Variants in ARIH1 observed in about 807,000 individuals in gnomAD.
ARIH1 encodes the protein E3 ubiquitin-protein ligase ARIH1.
Under a neutral mutation model 85.0 loss-of-function variants are expected in ARIH1, and 8 were observed. The ratio of observed to expected loss-of-function variants is 0.09; its 90% CI spans 0.06 to 0.17. The LOEUF (loss-of-function observed/expected upper bound fraction) is 0.17. Ranked by LOEUF, ARIH1 falls within the 10% of genes least tolerant of loss-of-function variation. The probability of loss-of-function intolerance (pLI) is 1.00; values close to 1 mark genes in which losing one functional copy is unlikely to be tolerated. For missense variants in ARIH1, 311 were observed against 718.1 expected, an observed-to-expected ratio of 0.43 and a Z score of 6.48; for synonymous variants, 238 against 253.6, an observed-to-expected ratio of 0.94 and a Z score of 0.59.
chr15:72,494,089 G>A (rs764612863), intron 1 of ARIH1, among the ~76,000 whole-genome samples: 5 of 151,960 alleles, frequency 3.3e-5, no homozygotes, highest in African/African-American at 4.8e-5. Context: ...CTAAATAATC[G>A]TGTTATAGTT....
rs550231273 is a variant in ARIH1, at chr15:72,476,913, A to G, written c.375+1899A>G. Reference sequence around the variant, plus strand: ...TGTCAAGTAAATTTTTCGAGAACTTATATGATTATAGATCTGAACTAATTT... The same window carrying G: ...TGTCAAGTAAATTTTTCGAGAACTTGTATGATTATAGATCTGAACTAATTT... On this transcript the variant is annotated intron_variant, in intron 1 of 13. Transcript: ENST00000379887. Among the ~76,000 whole-genome samples the G allele has an allele frequency of 2.6e-5, 4 of 152,326 alleles. No homozygotes were observed. In the South Asian group the frequency reaches 8.3e-4, roughly 32 times the overall value.
intron 2 of ARIH1, among the ~76,000 whole-genome samples, chr15:72,519,587 G>A (rs781180585): frequency 3.5e-5 from 5 of 142,524 alleles, no homozygotes; most frequent in Non-Finnish European, 6.0e-5. Context: ...GGGTTCAAGC[G>A]ATTCTCCTGT....
At position 72,601,215 on chromosome 15, in the gene ARIH1, A is replaced by G. The variant is rs1595879718; in HGVS notation, c.*17923A>G. ...CATCATCTCATTTGCAGCATCCTTT[A>G]GTTTACCCTAGATTATCAATTTTTG... On this transcript the variant is annotated 3_prime_UTR_variant, in exon 14 of 14. Coordinates refer to ENST00000379887, the MANE Select transcript of ARIH1 (RefSeq NM_005744.5). The G allele has an allele frequency of 6.6e-6, 1 of 152,244 alleles. No homozygotes were observed. Among genetic ancestry groups the G allele is most frequent in the East Asian group, 1.9e-4 (1 of 5,176 alleles). The allele number at this position is 152,244 out of a possible 1,614,324, so 9.4% of individuals were successfully genotyped here. A position where few individuals can be genotyped will look rare whatever the true frequency, so the allele number is the denominator to read the frequency against.
At chr15:72,548,188 C>T (rs755305830) in intron 3 of ARIH1, among the ~76,000 whole-genome samples, 3 of 152,052 alleles carry the variant, frequency 2.0e-5, no homozygotes, top group Admixed American at 1.3e-4. Flanking sequence ...ACTGTGGGAA[C>T]GTGTTGGAGG....
rs567528395 is a variant in ARIH1 at position 72,536,737 on chromosome 15, G to T, written c.444-8083G>T. On this transcript the variant is annotated intron_variant, in intron 2 of 13. Coordinates refer to ENST00000379887, the MANE Select transcript of ARIH1 (RefSeq NM_005744.5). ...ATCCACCTGCCTTCATCCTGGCTCA[G>T]AACTAAAAAGGTTAAAGTATGCAGT... Among the ~76,000 whole-genome samples the T allele has an allele frequency of 1.7e-3, 256 of 152,254 alleles. 1 individual carries two copies. The highest frequency in any genetic ancestry group is 2.6e-3 in the Non-Finnish European group (176 of 68,018).
At chr15:72,482,819 G>C (rs1051665904) in intron 1 of ARIH1, among the ~76,000 whole-genome samples, 2 of 150,384 alleles carry the variant, frequency 1.3e-5, no homozygotes, top group African/African-American at 4.9e-5. Flanking sequence ...GTGACGGCTT[G>C]GTAGCAGTTC....
At chr15:72,497,001 A>T (rs1174255552) in intron 1 of ARIH1, 2 of 290,558 alleles carry the variant, frequency 6.9e-6, no homozygotes, top group African/African-American at 4.5e-5. Context: ...TTGTTTTGAC[A>T]TGACAAATGT....
At chr15:72,576,690 A>G (rs1439263156) in intron 11 of ARIH1, among the ~76,000 whole-genome samples, 1 of 152,034 alleles carries the variant, frequency 6.6e-6, no homozygotes, top group Non-Finnish European at 1.5e-5. Context: ...ATGTAATAAT[A>G]CAAAACAAAT....
Position 72,589,820 on chromosome 15 carries a change from TA to T in ARIH1, c.*6529del, listed in dbSNP as rs1176213277. On this transcript the variant is annotated 3_prime_UTR_variant, in exon 14 of 14. Transcript: ENST00000379887. Reference sequence around the variant, plus strand: ...CCAAATGCTTTGTTTCCATCTCGTTTATTTTTATTTTTTATTTTTTTAAGAG... The same window carrying T: ...CCAAATGCTTTGTTTCCATCTCGTTTTTTTTATTTTTTATTTTTTTAAGAG... 1 of 152,176 alleles carries T rather than the reference TA, an allele frequency of 6.6e-6. No individual in the cohort carries two copies. The highest frequency in any genetic ancestry group is 1.9e-4 in the East Asian group (1 of 5,192). 9.4% of individuals were successfully genotyped at this position (152,176 alleles called of 1,614,324 possible).
intron 2 of ARIH1, among the ~76,000 whole-genome samples, chr15:72,544,285 A>C (rs2064119741): frequency 6.6e-6 from 1 of 152,186 alleles, no homozygotes; most frequent in Non-Finnish European, 1.5e-5. Flanking sequence ...TGATTTGTGC[A>C]GTAAGATAAA....
chr15:72,518,511 C>T (rs535996056), intron 2 of ARIH1, among the ~76,000 whole-genome samples: 8 of 152,200 alleles, frequency 5.3e-5, no homozygotes, highest in Non-Finnish European at 8.8e-5. Flanking sequence ...CTTGCTCATC[C>T]GGGCATGGTG....
intron 11 of ARIH1, among the ~76,000 whole-genome samples, chr15:72,574,781 T>C (rs1307349387): frequency 6.6e-6 from 1 of 152,194 alleles, no homozygotes; most frequent in Non-Finnish European, 1.5e-5. Flanking sequence ...AAGTAAATTT[T>C]ATTTACTGGC....
At position 72,583,324 on chromosome 15, in the gene ARIH1, CTT is replaced by C; in HGVS notation, c.*34_*35del. On this transcript the variant is annotated 3_prime_UTR_variant, in exon 14 of 14. Transcript: ENST00000379887. ...CCCTGCATAAAATGAACTCTGAAAA[CTT>C]TACCATCTAGAGTGCTCATGCAATT... is the stretch of plus-strand genomic sequence containing the variant. 2 of 1,566,536 alleles carry C rather than the reference CTT, an allele frequency of 1.3e-6. No individual in the cohort carries two copies. Among genetic ancestry groups the C allele is most frequent in the Non-Finnish European group, 1.8e-6 (2 of 1,140,964 alleles).
chr15:72,599,645 A>ATT lies in ARIH1; in HGVS notation c.*16359_*16360dup, dbSNP rs61430493. 6.6e-6 allele frequency: 1 copy of ATT among 151,806 alleles called. No individual in the cohort carries two copies. The highest frequency in any genetic ancestry group is 2.4e-5 in the African/African-American group (1 of 41,276). The allele number at this position is 151,806 out of a possible 1,614,324, so 9.4% of individuals were successfully genotyped here. A position where few individuals can be genotyped will look rare whatever the true frequency, so the allele number is the denominator to read the frequency against. ...TACTGCACCTGGCCTCCCCCTTATT[A>ATT]TTTTTTTAAACATGAATGGAAGCAT... is the stretch of plus-strand genomic sequence containing the variant. On this transcript the variant is annotated 3_prime_UTR_variant, in exon 14 of 14. Transcript: ENST00000379887.
chr15:72,580,784 C>T lies in ARIH1; in HGVS notation c.1269C>T (p.Asn423=). 6.2e-7 allele frequency: 1 copy of T among 1,614,068 alleles called. No individual in the cohort carries two copies. Among genetic ancestry groups the T allele is most frequent in the Non-Finnish European group, 8.5e-7 (1 of 1,179,986 alleles). ...TGTTCTACTGTAATCGCTATATGAA[C>T]CACATGCAGAGCCTGCGCTTTGAGC... ...RYLFYCNRYM[N]HMQSLRFEHK... The change falls in exon 12 of 14, where the codon AAC becomes AAT. Residue 423 remains asparagine (N), a synonymous_variant. Coordinates refer to ENST00000379887, the MANE Select transcript of ARIH1 (RefSeq NM_005744.5).
intron 10 of ARIH1, among the ~76,000 whole-genome samples, chr15:72,571,070 A>T (rs1312380815): frequency 7.5e-6 from 1 of 133,068 alleles, no homozygotes; most frequent in Non-Finnish European, 1.5e-5. Flanking sequence ...TGGAGGTTGC[A>T]CTGAACCAAG....
At chr15:72,557,973 G>C (rs1457895087) in intron 5 of ARIH1, among the ~76,000 whole-genome samples, 1 of 152,174 alleles carries the variant, frequency 6.6e-6, no homozygotes, top group Non-Finnish European at 1.5e-5. Context: ...TCTAGGTATA[G>C]AATCATCATC....
intron 3 of ARIH1, among the ~76,000 whole-genome samples, chr15:72,552,077 G>A (rs1326198906): frequency 2.0e-5 from 3 of 151,966 alleles, no homozygotes; most frequent in Non-Finnish European, 4.4e-5. Flanking sequence ...GATTGTAAAT[G>A]TATATATTTA....
intron 1 of ARIH1, chr15:72,496,797 T>C: frequency 1.0e-6 from 1 of 985,414 alleles, no homozygotes; most frequent in Non-Finnish European, 1.2e-6. Context: ...ACAGTGCATA[T>C]TGGGTACTTC....
Sources: gnomAD v4.1 joint callset for allele counts (sites outside exome capture counted in the v4.1 genomes callset) on GRCh38, gnomAD v4.1.1 for gene constraint, MANE v1.5 for transcripts, NCBI Gene and HGNC (gene_info 2026-07-23, HGNC 2026-07-21) for gene names.